Variants in CRHR1 observed in about 807,000 individuals in gnomAD.
The protein encoded by CRHR1 is corticotropin-releasing hormone receptor 1.
A neutral mutation model predicts 56.0 loss-of-function variants in CRHR1; 28 were observed. The observed-to-expected ratio is 0.50, with a 90% CI of 0.37 to 0.69. CRHR1 has a LOEUF of 0.69. Among genes scored for constraint, CRHR1 ranks in the 30% least tolerant of loss-of-function variants. The pLI, the probability that CRHR1 is intolerant of heterozygous loss-of-function variation, is 0.00. For missense variants in CRHR1, 376 were observed against 548.0 expected (o/e 0.69, Z 3.13); for synonymous variants, 195 against 216.5 (o/e 0.90, Z 0.87).
intron 10 of CRHR1, 21 bp from the exon 11 acceptor site, chr17:45,833,693 T>TGGGGGGGCCGCCCCCCCCC: frequency 6.4e-7 from 1 of 1,571,618 alleles, no homozygotes; most frequent in Non-Finnish European, 8.7e-7. Context: ...ACTCCGAGCC[T>TGGGGGGGCCGCCCCCCCCC]CCCCACCCGC....
chr17:45,802,524 C>A (rs2061642503), intron 1 of CRHR1, among the ~76,000 whole-genome samples: 1 of 152,110 alleles, frequency 6.6e-6, no homozygotes, highest in Admixed American at 6.5e-5. Flanking sequence ...AATCTCTGGA[C>A]TTTTCATGGA....
At chr17:45,822,669 G>A (rs1424843424) in intron 4 of CRHR1, among the ~76,000 whole-genome samples, 1 of 152,134 alleles carries the variant, frequency 6.6e-6, no homozygotes, top group Non-Finnish European at 1.5e-5. Context: ...TGTCCAACAT[G>A]GTGAAACCCC....
chr17:45,829,958 G>A, intron 5 of CRHR1, 136 bp from the exon 6 acceptor site: 1 of 1,379,696 alleles, frequency 7.2e-7, no homozygotes, highest in South Asian at 1.3e-5. Context: ...TCACCTCCCT[G>A]TGTGACTTGG....
At chr17:45,820,875 C>T (rs1180317733) in intron 3 of CRHR1, among the ~76,000 whole-genome samples, 1 of 152,226 alleles carries the variant, frequency 6.6e-6, no homozygotes, top group Non-Finnish European at 1.5e-5. Flanking sequence ...ACAAGAAGCC[C>T]TGTCATGCCA....
intron 3 of CRHR1, among the ~76,000 whole-genome samples, chr17:45,817,181 C>T (rs56357543): frequency 0.14 from 21,788 of 152,202 alleles, 2,135 homozygotes; most frequent in Middle Eastern, 0.22. Flanking sequence ...CCTGGCTCCC[C>T]GGAGGCCCGA....
rs143160354 is a variant in CRHR1 at position 45,816,753 on chromosome 17, T to A, written c.241+171T>A. On this transcript the variant is annotated intron_variant, in intron 3 of 12. Coordinates refer to ENST00000314537, the MANE Select transcript of CRHR1 (RefSeq NM_004382.5). ...TATTCTCCTGGGTGCCCTGTGCTCA[T>A]TACTCGTGATTCTCACAATACCCTT... Among the ~76,000 whole-genome samples the A allele has an allele frequency of 3.0e-3, 451 of 152,328 alleles. 1 individual carries two copies. The highest frequency in any genetic ancestry group is 9.9e-3 in the African/African-American group (412 of 41,584).
chr17:45,786,116 T>G (rs1261466878), intron 1 of CRHR1, among the ~76,000 whole-genome samples: 1 of 92,886 alleles, frequency 1.1e-5, no homozygotes, highest in African/African-American at 4.3e-5. Flanking sequence ...GAACTGCGGG[T>G]GTTTTCTTTT....
In CRHR1 at chr17:45,784,717, C is replaced by A. The variant is rs919191794; in HGVS notation, c.33+140C>A. 2 of 855,536 alleles carry A rather than the reference C, an allele frequency of 2.3e-6. No individual in the cohort carries two copies. The highest frequency in any genetic ancestry group is 2.5e-5 in the South Asian group (1 of 39,794). 53.0% of individuals were successfully genotyped at this position (855,536 alleles called of 1,614,324 possible). ...GGTCGGGGAAGGCTGGGCTCCGGGG[C>A]AGCCTAACTCTCTGGACCTTTGGAG... On this transcript the variant is annotated intron_variant, in intron 1 of 12. Coordinates refer to ENST00000314537, the MANE Select transcript of CRHR1 (RefSeq NM_004382.5). The surrounding 1 kb of genome is among the most constrained non-coding windows in gnomAD (Gnocchi z 4.2).
chr17:45,785,856 A>G (rs1056955075), intron 1 of CRHR1, among the ~76,000 whole-genome samples: 2 of 152,184 alleles, frequency 1.3e-5, no homozygotes, highest in African/African-American at 4.8e-5. Context: ...TAAAATGATC[A>G]AGGGTTGGTC....
chr17:45,807,429 T>G (rs1414090990), intron 2 of CRHR1, among the ~76,000 whole-genome samples: 1 of 152,174 alleles, frequency 6.6e-6, no homozygotes, highest in East Asian at 1.9e-4. Flanking sequence ...TGCTGAGTTG[T>G]GACTCGGGGA....
intron 3 of CRHR1, among the ~76,000 whole-genome samples, chr17:45,817,148 G>A (rs1378256876): frequency 6.6e-6 from 1 of 152,186 alleles, no homozygotes; most frequent in Non-Finnish European, 1.5e-5. Flanking sequence ...GGGTCCGTCG[G>A]ATACTTGATC....
chr17:45,799,286 C>T (rs1422176684), intron 1 of CRHR1: 1 of 152,196 alleles, frequency 6.6e-6, no homozygotes, highest in African/African-American at 2.4e-5. Context: ...TGGGGCCTGC[C>T]CTGCTCTTGT....
At position 45,784,673 on chromosome 17, in the gene CRHR1, G is replaced by T; in HGVS notation, c.33+96G>T. On this transcript the variant is annotated intron_variant, in intron 1 of 12. Coordinates refer to ENST00000314537, the MANE Select transcript of CRHR1 (RefSeq NM_004382.5). This position sits in a 1 kb window ranked among gnomAD's most constrained non-coding sequence, Gnocchi z 4.2. ...CTGTGGGTGTGATGGGGGCGGGGGC[G>T]CTGGGAGAGCCGTGCTTAGGTCGGG... 1.6e-6 allele frequency: 2 copies of T among 1,280,294 alleles called. No individual in the cohort carries two copies. The highest frequency in any genetic ancestry group is 2.1e-6 in the Non-Finnish European group (2 of 963,844). 79.3% of individuals were successfully genotyped at this position (1,280,294 alleles called of 1,614,324 possible).
intron 1 of CRHR1, among the ~76,000 whole-genome samples, chr17:45,789,079 C>T (rs983234369): frequency 3.1e-4 from 47 of 152,192 alleles, no homozygotes; most frequent in Non-Finnish European, 1.2e-4. Flanking sequence ...GAGGGTAGAG[C>T]CTCAGCCAGT....
Position 45,830,883 on chromosome 17 carries a change from T to C in CRHR1, c.713T>C (p.Val238Ala). The C allele has an allele frequency of 6.2e-7, 1 of 1,613,806 alleles. No individual in the cohort carries two copies. Among genetic ancestry groups the C allele is most frequent in the Non-Finnish European group, 8.5e-7 (1 of 1,179,856 alleles). Residue 238 changes from valine (V) to alanine (A), a missense_variant, in exon 8 of 13, where the codon GTG becomes GCG. Val to Ala is a moderately conservative substitution (Grantham distance 64). Around this residue, in one of 2 missense-constraint regions of CRHR1, gnomAD observed 369 missense variants for 519.5 expected, o/e 0.71. Coordinates refer to ENST00000314537, the MANE Select transcript of CRHR1 (RefSeq NM_004382.5). ...KWMFICIGWG[V>A]PFPIIVAWAI... ...TGACAGCCCATCTCTCCCCCAGGTG[T>C]GCCCTTCCCCATCATTGTGGCCTGG...
At chr17:45,833,640 T>G (rs922952319) in intron 10 of CRHR1, 74 bp from the exon 11 acceptor site, 15 of 1,600,718 alleles carry the variant, frequency 9.4e-6, no homozygotes, top group African/African-American at 1.3e-5. Context: ...GACCTGGCCC[T>G]CTTTGCCGAG....
intron 4 of CRHR1, among the ~76,000 whole-genome samples, chr17:45,824,112 A>G (rs901376869): frequency 5.3e-5 from 8 of 152,192 alleles, no homozygotes; most frequent in Non-Finnish European, 1.0e-4. Flanking sequence ...GTTCCAGGTT[A>G]GGAGACTTAG....
chr17:45,804,381 G>C (rs1287784725), intron 1 of CRHR1, among the ~76,000 whole-genome samples: 1 of 152,186 alleles, frequency 6.6e-6, no homozygotes. Flanking sequence ...CCGACTCGGG[G>C]GACCATGTGG....
chr17:45,787,288 G>C (rs562785890), intron 1 of CRHR1, among the ~76,000 whole-genome samples: 1 of 152,156 alleles, frequency 6.6e-6, no homozygotes, highest in Non-Finnish European at 1.5e-5. Context: ...CCCAGGGAGG[G>C]GCAGGGGCCT....
Sources: gnomAD v4.1 joint callset for allele counts (sites outside exome capture counted in the v4.1 genomes callset) on GRCh38, gnomAD v4.1.1 for gene constraint, gnomAD v4.1.1 regional missense constraint, Gnocchi (gnomAD v3.1) non-coding constraint, MANE v1.5 for transcripts, NCBI Gene and HGNC (gene_info 2026-07-23, HGNC 2026-07-21) for gene names.